The following BRD10 variants were observed in gnomAD, a reference collection of about 807,000 sequenced individuals.
BRD10 encodes the protein bromodomain containing 10.
chr9:5,884,709 T>C, the BRD10 span, among the ~76,000 whole-genome samples: 13 of 152,326 alleles, frequency 8.5e-5, 1 homozygote, highest in South Asian at 2.5e-3. Flanking sequence ...TTAGATATTG[T>C]AGTGAACCCT....
chr9:5,897,756 C>T, the BRD10 span: 2 of 1,016,820 alleles, frequency 2.0e-6, no homozygotes, highest in Non-Finnish European at 3.1e-6. Flanking sequence ...TCATTATAAC[C>T]TTCAGCTCTG....
chr9:5,920,423 T>C, the BRD10 span: 92 of 1,613,958 alleles, frequency 5.7e-5, no homozygotes, highest in South Asian at 3.2e-4. Context: ...ACTAGTTACA[T>C]TGGATGGTGC....
the BRD10 span, chr9:5,968,640 G>A: frequency 6.2e-7 from 1 of 1,613,830 alleles, no homozygotes; most frequent in Non-Finnish European, 8.5e-7. Context: ...GAAGAGGGCA[G>A]GCTATCTCTG....
At chr9:5,951,194 G>C in the BRD10 span, among the ~76,000 whole-genome samples, 1 of 152,078 alleles carries the variant, frequency 6.6e-6, no homozygotes, top group Middle Eastern at 3.4e-3. Context: ...TATTAGGTGT[G>C]TATATAAACA....
the BRD10 span, among the ~76,000 whole-genome samples, chr9:5,987,509 G>GA: frequency 4.7e-4 from 69 of 147,666 alleles, no homozygotes; most frequent in South Asian, 1.1e-3. Context: ...TCTGCACAAG[G>GA]AAAAAAAAAA....
chr9:5,977,648 C>A, the BRD10 span, among the ~76,000 whole-genome samples: 3 of 151,900 alleles, frequency 2.0e-5, no homozygotes, highest in African/African-American at 7.3e-5. Flanking sequence ...GAGATCGAGA[C>A]CACGGTGAAA....
the BRD10 span, chr9:5,953,940 A>G: frequency 1.2e-6 from 1 of 811,616 alleles, no homozygotes; most frequent in Non-Finnish European, 2.0e-6. Context: ...CTTGGAATTC[A>G]GCCAAACTCT....
chr9:5,968,009 G>A, the BRD10 span: 1 of 1,455,998 alleles, frequency 6.9e-7, no homozygotes, highest in Non-Finnish European at 9.2e-7. Flanking sequence ...ATCCATTTGT[G>A]TTAGCTTACC....
At chr9:5,991,178 GTGTA>G in the BRD10 span, among the ~76,000 whole-genome samples, 1 of 37,252 alleles carries the variant, frequency 2.7e-5, no homozygotes, top group East Asian at 3.6e-4. Context: ...GTGTGTGTGT[GTGTA>G]TATATATATA....
At chr9:5,965,860 A>G in the BRD10 span, among the ~76,000 whole-genome samples, 1 of 152,240 alleles carries the variant, frequency 6.6e-6, no homozygotes, top group Admixed American at 6.5e-5. Context: ...CACCTAATAA[A>G]GAAGAACAGG....
chr9:5,914,810 T>G, the BRD10 span, among the ~76,000 whole-genome samples: 1 of 152,284 alleles, frequency 6.6e-6, no homozygotes, highest in Admixed American at 6.5e-5. Flanking sequence ...AGTACTGTAT[T>G]TAGGCTGAAT....
chr9:5,947,609 TG>T, the BRD10 span, among the ~76,000 whole-genome samples: 1 of 152,098 alleles, frequency 6.6e-6, no homozygotes, highest in African/African-American at 2.4e-5. Flanking sequence ...GTATATTTAA[TG>T]TATACCTAAT....
At chr9:5,958,679 T>C in the BRD10 span, among the ~76,000 whole-genome samples, 1 of 152,228 alleles carries the variant, frequency 6.6e-6, no homozygotes, top group Non-Finnish European at 1.5e-5. Flanking sequence ...AATGCTTTCC[T>C]AGATTTAGCC....
the BRD10 span, among the ~76,000 whole-genome samples, chr9:5,955,645 C>T: frequency 6.7e-6 from 1 of 149,196 alleles, no homozygotes; most frequent in Non-Finnish European, 1.5e-5. Context: ...TTTTGAGTTG[C>T]TGAGGTTCAC....
At chr9:5,953,785 TA>T in the BRD10 span, among the ~76,000 whole-genome samples, 1 of 151,928 alleles carries the variant, frequency 6.6e-6, no homozygotes, top group Non-Finnish European at 1.5e-5. Flanking sequence ...GATTAAGATA[TA>T]AAAAAGGGTT....
the BRD10 span, among the ~76,000 whole-genome samples, chr9:5,958,165 A>G: frequency 2.6e-5 from 4 of 152,310 alleles, no homozygotes; most frequent in South Asian, 2.1e-4. Flanking sequence ...TAATGTTACA[A>G]AAGTATACCC....
the BRD10 span, among the ~76,000 whole-genome samples, chr9:5,885,958 G>A: frequency 6.6e-6 from 1 of 152,180 alleles, no homozygotes; most frequent in Non-Finnish European, 1.5e-5. Context: ...GCATAACCCT[G>A]AAGTTCAGGT....
the BRD10 span, among the ~76,000 whole-genome samples, chr9:5,970,140 A>C: frequency 1.3e-5 from 2 of 152,222 alleles, no homozygotes; most frequent in African/African-American, 4.8e-5. Context: ...TACTAAGAAA[A>C]TAATTCAACA....
At chr9:5,893,408 T>G in the BRD10 span, among the ~76,000 whole-genome samples, 1 of 152,206 alleles carries the variant, frequency 6.6e-6, no homozygotes, top group East Asian at 1.9e-4. Context: ...GAAAGAGCTG[T>G]TGAACAATCT....
Sources: gnomAD v4.1 joint callset for allele counts (sites outside exome capture counted in the v4.1 genomes callset) on GRCh38, gnomAD v4.1.1 for gene constraint, MANE v1.5 for transcripts, NCBI Gene and HGNC (gene_info 2026-07-23, HGNC 2026-07-21) for gene names.